NF2: variants seen among roughly 807,000 people sequenced by gnomAD.
The protein encoded by NF2 is merlin.
NF2 carries 8 observed loss-of-function variants against 83.7 expected under a neutral mutation model. The ratio of observed to expected loss-of-function variants is 0.10; its 90% CI spans 0.06 to 0.17. NF2 has a LOEUF of 0.17. Ranked by LOEUF, NF2 falls within the 10% of genes least tolerant of loss-of-function variation. The probability of loss-of-function intolerance (pLI) is 1.00; values close to 1 mark genes in which losing one functional copy is unlikely to be tolerated. For missense variants in NF2, 533 were observed against 744.4 expected, an observed-to-expected ratio of 0.72 and a Z score of 3.31; for synonymous variants, 266 against 269.6, an observed-to-expected ratio of 0.99 and a Z score of 0.13.
At chr22:29,647,784 C>T (rs919505263) in intron 4 of NF2, among the ~76,000 whole-genome samples, 1 of 152,054 alleles carries the variant, frequency 6.6e-6, no homozygotes, top group Non-Finnish European at 1.5e-5. Context: ...AATATGGTAA[C>T]CACTGATAAA....
At chr22:29,656,201 A>G (rs972507476) in intron 6 of NF2, among the ~76,000 whole-genome samples, 1 of 151,898 alleles carries the variant, frequency 6.6e-6, no homozygotes, top group Non-Finnish European at 1.5e-5. Flanking sequence ...CGGCCTCCCA[A>G]AGTGTTGGGA....
At position 29,696,064 on chromosome 22, in the gene NF2, TTC is replaced by T; in HGVS notation, c.*1264_*1265del. On this transcript the variant is annotated 3_prime_UTR_variant, in exon 16 of 16. Coordinates refer to ENST00000338641, the MANE Select transcript of NF2 (RefSeq NM_000268.4). ...TGGTCTGGGGCCACCTTCTTGCCCT[TTC>T]TTTTTTTTTTTTTTTTTTTTTTTCC... is the stretch of plus-strand genomic sequence containing the variant. 1.3e-5 allele frequency: 3 copies of T among 225,884 alleles called. No individual in the cohort carries two copies. Among genetic ancestry groups the T allele is most frequent in the Non-Finnish European group, 2.6e-5 (3 of 114,796 alleles). The allele number at this position is 225,884 out of a possible 1,614,324, so 14.0% of individuals were successfully genotyped here.
At chr22:29,683,681 C>T (rs997289273) in intron 15 of NF2, 1 of 1,075,038 alleles carries the variant, frequency 9.3e-7, no homozygotes, top group Non-Finnish European at 1.1e-6. Context: ...TTCATCTGTG[C>T]TCAGCCACCT....
At chr22:29,683,737 G>A in intron 15 of NF2, 1 of 1,068,702 alleles carries the variant, frequency 9.4e-7, no homozygotes, top group Non-Finnish European at 1.1e-6. Flanking sequence ...TGTGGTCAGA[G>A]TGAACTCACA....
chr22:29,674,223 C>G (rs541974843), intron 12 of NF2, among the ~76,000 whole-genome samples: 1 of 152,350 alleles, frequency 6.6e-6, no homozygotes, highest in African/African-American at 2.4e-5. Context: ...GCTTCAGGCC[C>G]CTTACTGTAT....
At chr22:29,655,759 A>G (rs1188224825) in intron 6 of NF2, 83 bp downstream of exon 6, 4 of 1,102,258 alleles carry the variant, frequency 3.6e-6, no homozygotes, top group Non-Finnish European at 4.1e-6. Context: ...AAACTAGGAC[A>G]TGCTTGTTAA....
At position 29,636,652 on chromosome 22, in the gene NF2, A is replaced by G. The variant is rs879542461; in HGVS notation, c.115-99A>G. The G allele has an allele frequency of 2.3e-5, 34 of 1,502,146 alleles. No homozygotes were observed. Among genetic ancestry groups the G allele is most frequent in the Non-Finnish European group, 3.1e-5 (33 of 1,079,310 alleles). The allele number at this position is 1,502,146 out of a possible 1,614,324, so 93.1% of individuals were successfully genotyped here. ...AGTCCTCATCAGCTGTCTTAGTGTC[A>G]TCCCCACGTTTTGGAACCTGAGAGT... On this transcript the variant is annotated intron_variant, in intron 1 of 15. Coordinates refer to ENST00000338641, the MANE Select transcript of NF2 (RefSeq NM_000268.4). This position sits in a 1 kb window ranked among gnomAD's most constrained non-coding sequence, Gnocchi z 4.4.
chr22:29,651,552 A>G (rs974302050), intron 4 of NF2, among the ~76,000 whole-genome samples: 3 of 152,184 alleles, frequency 2.0e-5, no homozygotes, highest in African/African-American at 7.2e-5. Context: ...CCATCCCTGG[A>G]GTGGTATGAC....
rs2067488219 is a variant in NF2 at position 29,694,386 on chromosome 22, GCCACAGACAGCACA to G, written c.1738-358_1738-345del. Among the ~76,000 whole-genome samples, 2 of 152,190 alleles carry G rather than the reference GCCACAGACAGCACA, an allele frequency of 1.3e-5. No homozygotes were observed. Among genetic ancestry groups the G allele is most frequent in the African/African-American group, 4.8e-5 (2 of 41,454 alleles). The stretch of plus-strand genomic sequence containing the variant: ...GGGATGAGCAGCCTCAGCTGGTGCC[GCCACAGACAGCACA>G]CCACAGAGGTGGCTCAGGGACCTTG... On this transcript the variant is annotated intron_variant, in intron 15 of 15. Coordinates refer to ENST00000338641, the MANE Select transcript of NF2 (RefSeq NM_000268.4). This position sits in a 1 kb window ranked among gnomAD's most constrained non-coding sequence, Gnocchi z 4.1.
chr22:29,626,000 AAAGT>A (rs2065357325), intron 1 of NF2, among the ~76,000 whole-genome samples: 2 of 152,204 alleles, frequency 1.3e-5, no homozygotes, highest in Non-Finnish European at 2.9e-5. Context: ...ACTGAAGCCC[AAAGT>A]AATTACTAAA....
At chr22:29,622,821 A>G (rs1178617213) in intron 1 of NF2, among the ~76,000 whole-genome samples, 4 of 151,206 alleles carry the variant, frequency 2.6e-5, no homozygotes, top group African/African-American at 7.3e-5. Flanking sequence ...ACACATGGCT[A>G]ATTTTTGTAT....
chr22:29,638,643 C>T (rs112871325), intron 2 of NF2, among the ~76,000 whole-genome samples: 2,141 of 152,202 alleles, frequency 0.014, 56 homozygotes, highest in African/African-American at 0.05. Context: ...TGAGCCACCA[C>T]GCCCAGCGCT....
chr22:29,604,020 C>A lies in NF2; in HGVS notation c.22C>A (p.Arg8Ser), dbSNP rs868416935. The A allele has an allele frequency of 5.6e-6, 9 of 1,594,312 alleles. No homozygotes were observed. Among genetic ancestry groups the A allele is most frequent in the Non-Finnish European group, 6.8e-6 (8 of 1,170,788 alleles). Reference protein sequence around the residue: MAGAIASRMSFSSLKRKQ... With the variant: MAGAIASSMSFSSLKRKQ... ...CGCCATGGCCGGGGCCATCGCTTCC[C>A]GCATGAGCTTCAGCTCTCTCAAGAG... The change falls in exon 1 of 16, where the codon CGC becomes AGC. Residue 8 changes from arginine (R) to serine (S), a missense_variant. Around this residue, in one of 3 missense-constraint regions of NF2, gnomAD observed 326 missense variants for 475.1 expected, o/e 0.69. Coordinates refer to ENST00000338641, the MANE Select transcript of NF2 (RefSeq NM_000268.4).
chr22:29,608,172 C>CAAAAAAA (rs570144418), intron 1 of NF2, among the ~76,000 whole-genome samples: 2 of 31,712 alleles, frequency 6.3e-5, no homozygotes, highest in African/African-American at 1.4e-4. Context: ...GACTCTGTCT[C>CAAAAAAA]AAAAAAAAAA....
chr22:29,625,736 C>T (rs1027683459), intron 1 of NF2, among the ~76,000 whole-genome samples: 2 of 152,190 alleles, frequency 1.3e-5, no homozygotes, highest in Admixed American at 1.3e-4. Flanking sequence ...GGTGCTTGTC[C>T]TAGTGCAGGA....
chr22:29,661,114 T>A (rs1421246173), intron 7 of NF2, 91 bp from the exon 8 acceptor site: 11 of 1,572,350 alleles, frequency 7.0e-6, no homozygotes, highest in Non-Finnish European at 9.6e-6. Flanking sequence ...ACTTGTCACA[T>A]GTGACAGTGT....
At chr22:29,626,461 G>T (rs1470364015) in intron 1 of NF2, among the ~76,000 whole-genome samples, 1 of 152,102 alleles carries the variant, frequency 6.6e-6, no homozygotes, top group African/African-American at 2.4e-5. Context: ...CCCATCTGCA[G>T]ATATTTTTAC....
chr22:29,684,621 A>G (rs1220507367), intron 15 of NF2, among the ~76,000 whole-genome samples: 2 of 152,226 alleles, frequency 1.3e-5, no homozygotes, highest in Non-Finnish European at 2.9e-5. Context: ...TGGGACATAC[A>G]TGGATGCATT....
intron 9 of NF2, 107 bp from the exon 10 acceptor site, chr22:29,668,226 G>A (rs1372363189): frequency 8.9e-6 from 7 of 782,644 alleles, no homozygotes; most frequent in Admixed American, 4.0e-5. Flanking sequence ...TCATCTTCAC[G>A]TTTACTGCTA....
Sources: allele counts gnomAD v4.1 joint callset (sites outside exome capture counted in the v4.1 genomes callset), GRCh38; gene constraint gnomAD v4.1.1; regional missense constraint gnomAD v4.1.1; non-coding constraint Gnocchi (gnomAD v3.1); transcripts MANE v1.5; gene names NCBI Gene and HGNC (gene_info 2026-07-23, HGNC 2026-07-21).